NUP160: variants seen among roughly 807,000 people sequenced by gnomAD.
The protein encoded by NUP160 is nuclear pore complex protein Nup160.
A neutral mutation model predicts 196.9 loss-of-function variants in NUP160; 94 were observed. The ratio of observed to expected loss-of-function variants is 0.48; its 90% confidence interval spans 0.40 to 0.57. The LOEUF (loss-of-function observed/expected upper bound fraction) is 0.57, where lower values mean the gene tolerates loss of function less well. NUP160 is among the 20% of genes least tolerant of loss of function. NUP160 has a pLI of 0.00. For synonymous variants in NUP160, 605 were observed against 619.7 expected, an observed-to-expected ratio of 0.98 and a Z score of 0.35; for missense variants, 1,638 against 1,748.3, an observed-to-expected ratio of 0.94 and a Z score of 1.13.
chr11:47,784,118 A>T (rs1405980578), intron 33 of NUP160, among the ~76,000 whole-genome samples: 2 of 152,200 alleles, frequency 1.3e-5, no homozygotes, highest in African/African-American at 4.8e-5. Context: ...TATCCTACTA[A>T]CGGTGGTTCA....
chr11:47,796,181 C>A, intron 27 of NUP160: 6 of 295,690 alleles, frequency 2.0e-5, no homozygotes, highest in Admixed American at 4.8e-5. Context: ...AAAGGAGCAG[C>A]TGCGGAAGCC....
At chr11:47,806,292 C>T (rs1428132737) in exon 20 of NUP160, 2 of 1,613,428 alleles carry the variant, frequency 1.2e-6, no homozygotes, top group South Asian at 1.1e-5. Flanking sequence ...AATAACTCCA[C>T]AATAGTCTGA....
At position 47,801,914 on chromosome 11, in the gene NUP160, CA is replaced by C; in HGVS notation, c.2791del (p.Cys931ValfsTer7). 6.2e-7 allele frequency: 1 copy of C among 1,613,784 alleles called. No individual in the cohort carries two copies. Among genetic ancestry groups the C allele is most frequent in the Non-Finnish European group, 8.5e-7 (1 of 1,179,824 alleles). ...TTTGCCTACTTCAGATGCTGCCTGA[CA>C]AAAACATTCCAGAGCCTGGAGAAAT... On this transcript the variant is annotated frameshift_variant, in exon 23 of 36. Coordinates refer to ENST00000378460, the Ensembl canonical transcript of NUP160. LOFTEE classifies it high-confidence loss of function.
intron 33 of NUP160, among the ~76,000 whole-genome samples, chr11:47,783,897 T>G (rs868726901): frequency 1.3e-5 from 2 of 152,246 alleles, no homozygotes; most frequent in Middle Eastern, 3.4e-3. Flanking sequence ...TTTCACCATG[T>G]TGGCCAGGCT....
At chr11:47,780,306 GGCTTAC>G (rs751047763) in intron 35 of NUP160, 31 bp downstream of exon 35, 25 of 1,330,934 alleles carry the variant, frequency 1.9e-5, no homozygotes, top group Non-Finnish European at 2.5e-5. Flanking sequence ...CTAGTGCAGG[GGCTTAC>G]ACAAGACGTC....
intron 27 of NUP160, among the ~76,000 whole-genome samples, chr11:47,793,722 GTTT>G (rs750497969): frequency 6.3e-3 from 544 of 86,334 alleles, no homozygotes; most frequent in Non-Finnish European, 8.8e-3. Flanking sequence ...TAAGATATCT[GTTT>G]TTTTTTTTTT....
chr11:47,800,829 T>C (rs1220528855), intron 23 of NUP160, among the ~76,000 whole-genome samples: 3 of 152,152 alleles, frequency 2.0e-5, no homozygotes, highest in African/African-American at 7.2e-5. Context: ...AAATATAAAA[T>C]CAAGTATGGT....
At chr11:47,821,634 A>T in intron 9 of NUP160, 90 bp downstream of exon 9, 1 of 909,224 alleles carries the variant, frequency 1.1e-6, no homozygotes, top group Non-Finnish European at 1.8e-6. Context: ...TGTTAGGATT[A>T]CAGGCATGAG....
At chr11:47,804,137 T>C (rs1018679949) in intron 21 of NUP160, among the ~76,000 whole-genome samples, 2 of 150,376 alleles carry the variant, frequency 1.3e-5, no homozygotes, top group Admixed American at 6.7e-5. Context: ...GCCAAGATCA[T>C]GCCACTGCAC....
chr11:47,784,407 T>C (rs1000746314), intron 33 of NUP160, among the ~76,000 whole-genome samples: 9 of 152,246 alleles, frequency 5.9e-5, no homozygotes, highest in African/African-American at 1.9e-4. Context: ...AGACCAGCCA[T>C]AGTGTTATAT....
At chr11:47,803,618 A>G in intron 21 of NUP160, 82 bp from the exon 22 acceptor site, 1 of 792,238 alleles carries the variant, frequency 1.3e-6, no homozygotes, top group Non-Finnish European at 2.2e-6. Flanking sequence ...TTCGTCACAG[A>G]GGATGAAAAG....
rs1015937831 is a variant in NUP160, at chr11:47,802,611, G to GA, written c.2776-682dup. Among the ~76,000 whole-genome samples, 4 of 151,932 alleles carry GA rather than the reference G, an allele frequency of 2.6e-5. No individual in the cohort carries two copies. The South Asian group carries it at 8.3e-4, about 32-fold the overall frequency. ...AAAATTTATGTAATAGAACATCAGGGAAAAAATTAAAACTTTAAACTACAT... is the reference window on the plus strand; with the variant it reads ...AAAATTTATGTAATAGAACATCAGGGAAAAAAATTAAAACTTTAAACTACAT... On this transcript the variant is annotated intron_variant, in intron 22 of 35. Transcript: ENST00000378460.
At chr11:47,821,786 A>C (rs766445396) in exon 9 of NUP160, 4 of 1,614,014 alleles carry the variant, frequency 2.5e-6, no homozygotes, top group Non-Finnish European at 2.5e-6. Context: ...GGGCCCAGAT[A>C]TCCGTGGAAG....
chr11:47,803,812 T>A (rs1458341944), intron 21 of NUP160, among the ~76,000 whole-genome samples: 1 of 152,196 alleles, frequency 6.6e-6, no homozygotes, highest in African/African-American at 2.4e-5. Flanking sequence ...AATGACTAGA[T>A]TCCAGTAAAG....
chr11:47,792,136 T>C (rs2135350208), intron 28 of NUP160, 146 bp from the exon 29 acceptor site: 1 of 581,842 alleles, frequency 1.7e-6, no homozygotes, highest in East Asian at 3.0e-5. Context: ...ACAGAGGTAC[T>C]GTAACTATGA....
chr11:47,787,349 A>G (rs1438041255), intron 31 of NUP160, among the ~76,000 whole-genome samples: 2 of 151,824 alleles, frequency 1.3e-5, no homozygotes, highest in Non-Finnish European at 2.9e-5. Flanking sequence ...TGGCCTCCCA[A>G]CGTGATGGCA....
chr11:47,820,165 G>A (rs61895765), intron 9 of NUP160: 3,567 of 152,240 alleles, frequency 0.023, 70 homozygotes, highest in Non-Finnish European at 0.035. Flanking sequence ...TGTTTCAGGG[G>A]TTAGACAAGT....
intron 7 of NUP160, among the ~76,000 whole-genome samples, chr11:47,824,875 G>A (rs1203880642): frequency 6.6e-6 from 1 of 151,002 alleles, no homozygotes; most frequent in Non-Finnish European, 1.5e-5. Context: ...TCGCACTGTC[G>A]CCCAGGCTGG....
At chr11:47,838,708 AAAAG>A (rs762828433) in intron 4 of NUP160, among the ~76,000 whole-genome samples, 28 of 151,284 alleles carry the variant, frequency 1.9e-4, no homozygotes, top group Non-Finnish European at 2.5e-4. Flanking sequence ...ACTCTGTCTC[AAAAG>A]AAAGAAAGAA....
Sources: allele counts gnomAD v4.1 joint callset (sites outside exome capture counted in the v4.1 genomes callset), GRCh38; gene constraint gnomAD v4.1.1; transcripts MANE v1.5; gene names NCBI Gene and HGNC (gene_info 2026-07-23, HGNC 2026-07-21).